STXBP5: variants seen among roughly 807,000 people sequenced by gnomAD.
STXBP5 encodes syntaxin binding protein 5, also known as syntaxin-binding protein 5.
In STXBP5, 50 loss-of-function variants were observed where a neutral mutation model predicts 152.4. The ratio of observed to expected loss-of-function variants is 0.33; its 90% CI spans 0.26 to 0.42. The LOEUF is 0.42. Among genes scored for constraint, STXBP5 ranks in the 10% least tolerant of loss-of-function variants. The probability of loss-of-function intolerance (pLI) is 1.00; values close to 1 mark genes in which losing one functional copy is unlikely to be tolerated. For missense variants in STXBP5, 1,167 were observed against 1,388.6 expected (o/e 0.84, Z 2.54); for synonymous variants, 492 against 494.7 (o/e 0.99, Z 0.07).
intron 7 of STXBP5, among the ~76,000 whole-genome samples, chr6:147,275,332 G>T (rs1780383342): frequency 1.3e-5 from 2 of 151,822 alleles, no homozygotes; most frequent in Non-Finnish European, 2.9e-5. Flanking sequence ...ATGCACTGTT[G>T]CTTTGTGGAT....
intron 25 of STXBP5, among the ~76,000 whole-genome samples, chr6:147,364,797 A>G (rs1421169900): frequency 2.6e-5 from 4 of 152,182 alleles, no homozygotes; most frequent in Admixed American, 2.6e-4. Flanking sequence ...TTGATATTTG[A>G]TATTTAGAGG....
chr6:147,321,441 A>T (rs1238716481), intron 16 of STXBP5, among the ~76,000 whole-genome samples: 1 of 152,044 alleles, frequency 6.6e-6, no homozygotes, highest in Non-Finnish European at 1.5e-5. Flanking sequence ...TTTTTTAAAA[A>T]ATTAGCCAGG....
chr6:147,368,837 A>G (rs952264684), intron 25 of STXBP5, among the ~76,000 whole-genome samples: 2 of 151,956 alleles, frequency 1.3e-5, no homozygotes, highest in African/African-American at 4.8e-5. Flanking sequence ...TAAAAACCAT[A>G]CCATCTATAA....
chr6:147,263,176 A>T (rs948728951), intron 6 of STXBP5, among the ~76,000 whole-genome samples: 6 of 151,904 alleles, frequency 3.9e-5, no homozygotes, highest in Non-Finnish European at 7.4e-5. Context: ...AAACAAAAGG[A>T]TAATTAGACC....
chr6:147,320,924 T>C (rs1782906157), intron 16 of STXBP5, among the ~76,000 whole-genome samples: 1 of 152,166 alleles, frequency 6.6e-6, no homozygotes, highest in South Asian at 2.1e-4. Context: ...TTCCTTTTCT[T>C]CAGCCATTAT....
intron 4 of STXBP5, among the ~76,000 whole-genome samples, chr6:147,246,366 T>G (rs1267975066): frequency 6.6e-6 from 1 of 152,226 alleles, no homozygotes; most frequent in African/African-American, 2.4e-5. Flanking sequence ...TTTTTAAGAC[T>G]GAAAACTGAA....
rs1039901675 is a variant in STXBP5, at chr6:147,363,436, G to A, written c.2647G>A (p.Val883Ile). ...PAYEPWREHNVPEEKDEKEKL... is the reference protein window; with the variant it reads ...PAYEPWREHNIPEEKDEKEKL... Reference sequence around the variant, plus strand: ...GTATGAACCCTGGAGAGAGCACAATGTTCCTGAAGAAAAAGACGAAAAGGA... The same window carrying A: ...GTATGAACCCTGGAGAGAGCACAATATTCCTGAAGAAAAAGACGAAAAGGA... Residue 883 changes from valine (V) to isoleucine (I), a missense_variant, in exon 24 of 28, where the codon GTT (valine) becomes ATT (isoleucine). This residue lies in a region of STXBP5 where 833 missense variants were observed against 986.3 expected (regional missense o/e 0.84). Coordinates refer to ENST00000321680, the MANE Select transcript of STXBP5 (RefSeq NM_001127715.4). 2.5e-6 allele frequency: 4 copies of A among 1,614,124 alleles called. No homozygotes were observed. The highest frequency in any genetic ancestry group is 3.4e-6 in the Non-Finnish European group (4 of 1,180,028).
rs1166808729 is a variant in STXBP5, at chr6:147,359,104, A to G, written c.2326A>G (p.Ser776Gly). ...TTCAGATGTAAAGGATAACTCCTTT[A>G]GCCGATCACGGAGTTCAAGTGTAAC... ...PDLDVKDNSF[S>G]RSRSSSVTSI... The change falls in exon 23 of 28, where the codon AGC becomes GGC. Residue 776 changes from serine to glycine, a missense_variant. By Grantham distance (56) the Ser-to-Gly change is moderately conservative. Coordinates refer to ENST00000321680, the MANE Select transcript of STXBP5 (RefSeq NM_001127715.4). 6.2e-7 allele frequency: 1 copy of G among 1,613,944 alleles called. No homozygotes were observed. The highest frequency in any genetic ancestry group is 1.1e-5 in the South Asian group (1 of 91,070).
chr6:147,313,667 G>A (rs1782493043), intron 11 of STXBP5, among the ~76,000 whole-genome samples: 1 of 152,042 alleles, frequency 6.6e-6, no homozygotes, highest in South Asian at 2.1e-4. Flanking sequence ...GTAGTGTATG[G>A]CATATGGCAT....
intron 11 of STXBP5, among the ~76,000 whole-genome samples, chr6:147,312,793 A>G (rs1158043367): frequency 6.6e-6 from 1 of 152,068 alleles, no homozygotes; most frequent in Non-Finnish European, 1.5e-5. Flanking sequence ...TGAAAATATT[A>G]TTTCTGTCCT....
chr6:147,345,715 A>G (rs1203392738), intron 21 of STXBP5, among the ~76,000 whole-genome samples: 1 of 152,172 alleles, frequency 6.6e-6, no homozygotes, highest in Non-Finnish European at 1.5e-5. Context: ...TTTTCTTTCA[A>G]GAATGCTTGT....
chr6:147,310,986 A>G (rs1254909459), intron 10 of STXBP5, among the ~76,000 whole-genome samples: 1 of 152,156 alleles, frequency 6.6e-6, no homozygotes, highest in African/African-American at 2.4e-5. Flanking sequence ...AGTGTATATA[A>G]TTCAAGAAGA....
rs769679355 is a variant in STXBP5, at chr6:147,384,769, A to G, written c.*14A>G. ...TACCAGTTCTGACAACCAGAATCCAATAAGTCCAACTTCAGCCAGAAGGAA... is the reference window on the plus strand; with the variant it reads ...TACCAGTTCTGACAACCAGAATCCAGTAAGTCCAACTTCAGCCAGAAGGAA... On this transcript the variant is annotated 3_prime_UTR_variant, in exon 28 of 28. Transcript: ENST00000321680. 2.7e-5 allele frequency: 43 copies of G among 1,610,812 alleles called. No individual in the cohort carries two copies. Among genetic ancestry groups the G allele is most frequent in the Non-Finnish European group, 3.0e-5 (35 of 1,178,688 alleles).
Position 147,204,538 on chromosome 6 carries a change from G to A in STXBP5, c.6G>A (p.Arg2=), listed in dbSNP as rs1166238059. Residue 2 remains arginine, a synonymous_variant, in exon 1 of 28, where the codon AGG becomes AGA. Coordinates refer to ENST00000321680, the MANE Select transcript of STXBP5 (RefSeq NM_001127715.4). The surrounding 1 kb of genome is among the most constrained non-coding windows in gnomAD (Gnocchi z 4.3). Reference sequence around the variant, plus strand: ...GGGGGAGCCCCTCCGAGACCATGAGGAAATTCAACATCAGGAAGGTGCTGG... The same window carrying A: ...GGGGGAGCCCCTCCGAGACCATGAGAAAATTCAACATCAGGAAGGTGCTGG... M[R]KFNIRKVLDG... 7 of 1,612,092 alleles carry A rather than the reference G, an allele frequency of 4.3e-6. No individual in the cohort carries two copies. The highest frequency in any genetic ancestry group is 5.1e-6 in the Non-Finnish European group (6 of 1,179,266).
intron 2 of STXBP5, among the ~76,000 whole-genome samples, chr6:147,210,312 T>C (rs1468947017): frequency 1.3e-5 from 2 of 152,164 alleles, no homozygotes; most frequent in East Asian, 1.9e-4. Context: ...ATCTTTAACT[T>C]TTATTGTATT....
chr6:147,252,019 A>G (rs1300222494), intron 4 of STXBP5, among the ~76,000 whole-genome samples: 1 of 152,204 alleles, frequency 6.6e-6, no homozygotes, highest in Admixed American at 6.5e-5. Context: ...ACAAACAGAA[A>G]GGAATAGCAT....
At chr6:147,273,840 T>C (rs1178890955) in intron 7 of STXBP5, among the ~76,000 whole-genome samples, 2 of 151,680 alleles carry the variant, frequency 1.3e-5, no homozygotes, top group African/African-American at 4.9e-5. Context: ...TAGTCCCAGC[T>C]ACTCGGGAGG....
intron 7 of STXBP5, among the ~76,000 whole-genome samples, chr6:147,272,515 T>C (rs1780223237): frequency 6.6e-6 from 1 of 152,210 alleles, no homozygotes; most frequent in Non-Finnish European, 1.5e-5. Context: ...AATTTGATTC[T>C]CAGTGCCATT....
intron 8 of STXBP5, among the ~76,000 whole-genome samples, chr6:147,290,596 T>TAGA (rs1781230678): frequency 6.6e-6 from 1 of 152,348 alleles, no homozygotes; most frequent in South Asian, 2.1e-4. Context: ...ACACATTTTA[T>TAGA]AGAGGTTGGT....
Sources: allele counts gnomAD v4.1 joint callset (sites outside exome capture counted in the v4.1 genomes callset), GRCh38; gene constraint gnomAD v4.1.1; regional missense constraint gnomAD v4.1.1; non-coding constraint Gnocchi (gnomAD v3.1); transcripts MANE v1.5; gene names NCBI Gene and HGNC (gene_info 2026-07-23, HGNC 2026-07-21).